The following XKR4 variants were observed in gnomAD, a reference collection of about 807,000 sequenced individuals.
XKR4 encodes the protein XK-related protein 4.
XKR4 carries 12 observed loss-of-function variants against 53.9 expected under a neutral mutation model. The ratio of observed to expected loss-of-function variants is 0.22; its 90% CI spans 0.14 to 0.36. The LOEUF (loss-of-function observed/expected upper bound fraction) is 0.36. Ranked by LOEUF, XKR4 falls within the 10% of genes least tolerant of loss-of-function variation. The pLI, the probability that XKR4 is intolerant of heterozygous loss-of-function variation, is 1.00. For missense variants in XKR4, 799 were observed against 859.5 expected, an observed-to-expected ratio of 0.93 and a Z score of 0.88; for synonymous variants, 354 against 362.4, an observed-to-expected ratio of 0.98 and a Z score of 0.26.
intron 1 of XKR4, among the ~76,000 whole-genome samples, chr8:55,308,120 G>T (rs1819332638): frequency 6.6e-6 from 1 of 152,010 alleles, no homozygotes; most frequent in Admixed American, 6.6e-5. Flanking sequence ...GGGCATGGTG[G>T]CATGTGCCTG....
rs138947713 is a variant in XKR4, at chr8:55,413,115, T to C, written c.1006+55238T>C. On this transcript the variant is annotated intron_variant, in intron 2 of 2. Coordinates refer to ENST00000327381, the MANE Select transcript of XKR4 (RefSeq NM_052898.2). ...GTTACTAATATTTAGTCCACAATTA[T>C]GCATATATGACATTGTTTTACTGAT... is the stretch of plus-strand genomic sequence containing the variant. 8.9e-4 allele frequency among the ~76,000 whole-genome samples: 136 copies of C among 152,364 alleles called. 1 individual carries two copies. Among genetic ancestry groups the C allele is most frequent in the African/African-American group, 3.2e-3 (132 of 41,586 alleles).
At chr8:55,292,303 G>C (rs1819033300) in intron 1 of XKR4, among the ~76,000 whole-genome samples, 1 of 152,100 alleles carries the variant, frequency 6.6e-6, no homozygotes, top group Non-Finnish European at 1.5e-5. Flanking sequence ...TTTGCGGGGA[G>C]AGTCTTTAAA....
chr8:55,309,504 T>C (rs1298011083), intron 1 of XKR4, among the ~76,000 whole-genome samples: 1 of 152,202 alleles, frequency 6.6e-6, no homozygotes, highest in Non-Finnish European at 1.5e-5. Context: ...TTGACTATAG[T>C]GGTGTATACG....
At chr8:55,226,010 T>C (rs536633529) in intron 1 of XKR4, among the ~76,000 whole-genome samples, 1 of 152,308 alleles carries the variant, frequency 6.6e-6, no homozygotes, top group South Asian at 2.1e-4. Context: ...ACACCGTCCC[T>C]GACCAGGGTG....
Position 55,103,153 on chromosome 8 carries a change from G to C in XKR4, c.665G>C (p.Ser222Thr). The stretch of plus-strand genomic sequence containing the variant: ...AGGCAAGCATCTAACGCCAGCAAGA[G>C]CAACATCGCCGCGGCCAACAGCGGC... ...PQRQASNASKSNIAAANSGSN... is the reference protein window; with the variant it reads ...PQRQASNASKTNIAAANSGSN... Residue 222 changes from serine (S) to threonine (T), a missense_variant, in exon 1 of 3, where the codon AGC (serine) becomes ACC (threonine). Transcript: ENST00000327381. The C allele has an allele frequency of 3.7e-6, 6 of 1,614,014 alleles. No homozygotes were observed.
chr8:55,420,465 G>A (rs1022967357), intron 2 of XKR4, among the ~76,000 whole-genome samples: 1 of 145,626 alleles, frequency 6.9e-6, no homozygotes, highest in African/African-American at 2.8e-5. Flanking sequence ...CATAAAAAAT[G>A]ATGAGTTCAT....
chr8:55,153,417 C>A (rs1816864465), intron 1 of XKR4, among the ~76,000 whole-genome samples: 1 of 152,128 alleles, frequency 6.6e-6, no homozygotes, highest in African/African-American at 2.4e-5. Context: ...TATTCCATGA[C>A]CTTGTGACCT....
intron 1 of XKR4, among the ~76,000 whole-genome samples, chr8:55,149,945 G>T (rs560546482): frequency 1.3e-4 from 20 of 152,260 alleles, no homozygotes; most frequent in Non-Finnish European, 2.4e-4. Flanking sequence ...GGAAAGGCTT[G>T]CCTTCAAAGG....
intron 2 of XKR4, among the ~76,000 whole-genome samples, chr8:55,386,360 C>T (rs1804315565): frequency 6.6e-6 from 1 of 152,184 alleles, no homozygotes; most frequent in Admixed American, 6.5e-5. Flanking sequence ...GATCTTTTAT[C>T]GTGGCTGCTT....
chr8:55,465,330 C>A (rs547708290), intron 2 of XKR4, among the ~76,000 whole-genome samples: 1 of 151,990 alleles, frequency 6.6e-6, no homozygotes, highest in Non-Finnish European at 1.5e-5. Flanking sequence ...GAAATAATGC[C>A]GCATATCTAC....
Position 55,164,337 on chromosome 8 carries a change from A to T in XKR4, c.806+61043A>T, listed in dbSNP as rs1198953897. On this transcript the variant is annotated intron_variant, in intron 1 of 2. Coordinates refer to ENST00000327381, the MANE Select transcript of XKR4 (RefSeq NM_052898.2). ...CTATTGCTATTTGGAGGGTGAGATGACCCCTGAGTAGAAATAACTCCTATA... is the reference window on the plus strand; with the variant it reads ...CTATTGCTATTTGGAGGGTGAGATGTCCCCTGAGTAGAAATAACTCCTATA... 3 of 454,826 alleles carry T rather than the reference A, an allele frequency of 6.6e-6. No homozygotes were observed. The East Asian group carries it at 2.1e-4, about 32-fold the overall frequency. The allele number at this position is 454,826 out of a possible 1,614,324, so 28.2% of individuals were successfully genotyped here. A position where few individuals can be genotyped will look rare whatever the true frequency, so the allele number is the denominator to read the frequency against.
At chr8:55,424,773 A>G (rs774210697) in intron 2 of XKR4, among the ~76,000 whole-genome samples, 1 of 152,226 alleles carries the variant, frequency 6.6e-6, no homozygotes, top group Non-Finnish European at 1.5e-5. Context: ...TGATGAATAG[A>G]GTTCAGTCCC....
chr8:55,269,919 A>C (rs1333491080), intron 1 of XKR4, among the ~76,000 whole-genome samples: 3 of 152,218 alleles, frequency 2.0e-5, no homozygotes, highest in Non-Finnish European at 4.4e-5. Context: ...AGTTCAGAAT[A>C]GATCAGGGAA....
chr8:55,272,968 C>A, intron 1 of XKR4: 1 of 439,352 alleles, frequency 2.3e-6, no homozygotes, highest in South Asian at 1.7e-5. Flanking sequence ...GAACAATTAA[C>A]TGAATTTTCA....
intron 2 of XKR4, among the ~76,000 whole-genome samples, chr8:55,461,026 C>T (rs1805648553): frequency 1.3e-5 from 2 of 152,362 alleles, no homozygotes; most frequent in South Asian, 4.1e-4. Context: ...GGAGGCCTGC[C>T]TCTGTAGGCT....
At chr8:55,476,569 T>TGC (rs34637088) in intron 2 of XKR4, among the ~76,000 whole-genome samples, 1 of 10,540 alleles carries the variant, frequency 9.5e-5, no homozygotes, top group Non-Finnish European at 1.7e-4. Context: ...TGCAGCACAC[T>TGC]GAGCAAGCTG....
chr8:55,246,319 C>T (rs1384456263), intron 1 of XKR4, among the ~76,000 whole-genome samples: 2 of 152,132 alleles, frequency 1.3e-5, no homozygotes, highest in African/African-American at 4.8e-5. Context: ...TGAGGGCAGC[C>T]ACTAGGGAAG....
intron 2 of XKR4, among the ~76,000 whole-genome samples, chr8:55,375,373 CA>C (rs1215549361): frequency 6.6e-6 from 1 of 152,170 alleles, no homozygotes; most frequent in African/African-American, 2.4e-5. Flanking sequence ...CTAAATTTAT[CA>C]GAAAAGAGTT....
chr8:55,143,455 A>G (rs1190357140), intron 1 of XKR4, among the ~76,000 whole-genome samples: 2 of 152,234 alleles, frequency 1.3e-5, no homozygotes, highest in East Asian at 3.8e-4. Context: ...CCTCTTAATA[A>G]TGATTTAAAA....
Sources: gnomAD v4.1 joint callset for allele counts (sites outside exome capture counted in the v4.1 genomes callset) on GRCh38, gnomAD v4.1.1 for gene constraint, MANE v1.5 for transcripts, NCBI Gene and HGNC (gene_info 2026-07-23, HGNC 2026-07-21) for gene names.